The following PCDH9 variants were observed in gnomAD, a reference collection of about 807,000 sequenced individuals.
PCDH9 encodes the protein protocadherin 9, also known as protocadherin-9.
PCDH9 carries 24 observed loss-of-function variants against 70.6 expected under a neutral mutation model. That is an observed-to-expected ratio of 0.34 (90% CI 0.25 to 0.48). PCDH9 has a LOEUF of 0.48. Among genes scored for constraint, PCDH9 ranks in the 20% least tolerant of loss-of-function variants. The probability of loss-of-function intolerance (pLI) is 0.99; values close to 1 mark genes in which losing one functional copy is unlikely to be tolerated. For missense variants in PCDH9, 1,281 were observed against 1,503.6 expected (o/e 0.85, Z 2.45); for synonymous variants, 562 against 558.5 (o/e 1.01, Z -0.09).
chr13:66,528,725 G>T (rs907472389), intron 4 of PCDH9, among the ~76,000 whole-genome samples: 1 of 152,056 alleles, frequency 6.6e-6, no homozygotes. Context: ...TTAGGACAAT[G>T]TCTCCTTTTT....
At chr13:67,221,203 A>G (rs1275132393) in intron 2 of PCDH9, 6 of 152,090 alleles carry the variant, frequency 3.9e-5, no homozygotes, top group African/African-American at 9.7e-5. Flanking sequence ...GGTTAGCCTC[A>G]CATTAGTTAA....
At chr13:66,449,035 A>G (rs773102386) in intron 4 of PCDH9, among the ~76,000 whole-genome samples, 3 of 152,180 alleles carry the variant, frequency 2.0e-5, no homozygotes, top group Non-Finnish European at 4.4e-5. Context: ...TGAATAGTTT[A>G]GACAGTCTTC....
At chr13:66,859,697 T>C (rs990109781) in intron 3 of PCDH9, among the ~76,000 whole-genome samples, 3 of 152,158 alleles carry the variant, frequency 2.0e-5, no homozygotes, top group African/African-American at 7.2e-5. Context: ...TGTGAAGGCA[T>C]TTCTAAATGC....
intron 2 of PCDH9, among the ~76,000 whole-genome samples, chr13:67,163,302 T>C (rs752149948): frequency 2.0e-5 from 3 of 152,226 alleles, no homozygotes; most frequent in East Asian, 3.8e-4. Flanking sequence ...ATAATATGTA[T>C]TAAAGAAAGT....
chr13:66,381,070 T>C (rs1956840033), intron 4 of PCDH9, among the ~76,000 whole-genome samples: 1 of 152,184 alleles, frequency 6.6e-6, no homozygotes, highest in Non-Finnish European at 1.5e-5. Flanking sequence ...AAAATAGTTT[T>C]CTTTGAAGAA....
intron 4 of PCDH9, among the ~76,000 whole-genome samples, chr13:66,522,372 T>C (rs1960034411): frequency 6.6e-6 from 1 of 152,068 alleles, no homozygotes; most frequent in African/African-American, 2.4e-5. Context: ...GACCAAAATT[T>C]CAAGTTAAGA....
At chr13:66,737,993 C>A (rs956487975) in intron 3 of PCDH9, among the ~76,000 whole-genome samples, 2 of 152,172 alleles carry the variant, frequency 1.3e-5, no homozygotes, top group Non-Finnish European at 2.9e-5. Context: ...TGGAGCCCAC[C>A]ACAGCTCAAG....
chr13:67,096,752 ACT>A (rs1002102969), intron 2 of PCDH9, among the ~76,000 whole-genome samples: 4 of 151,924 alleles, frequency 2.6e-5, no homozygotes, highest in African/African-American at 9.7e-5. Flanking sequence ...AGTCTGTAAA[ACT>A]CTGGTGGAGG....
At position 67,189,365 on chromosome 13, in the gene PCDH9, A is replaced by C. The variant is rs549802979; in HGVS notation, c.3036+36040T>G. On this transcript the variant is annotated intron_variant, in intron 2 of 4. Transcript: ENST00000377865. ...ATTAAGTTTTATTTATTGTGCACCA[A>C]TTATATGATAGTCACTGTAGTACTG... Among the ~76,000 whole-genome samples the C allele has an allele frequency of 2.0e-5, 3 of 152,124 alleles. No homozygotes were observed. The South Asian group carries it at 6.2e-4, about 32-fold the overall frequency.
intron 2 of PCDH9, among the ~76,000 whole-genome samples, chr13:67,174,452 T>C (rs1230837962): frequency 1.3e-5 from 2 of 152,138 alleles, no homozygotes; most frequent in Non-Finnish European, 2.9e-5. Flanking sequence ...ATAAACAGTG[T>C]TGATTATAAA....
intron 3 of PCDH9, among the ~76,000 whole-genome samples, chr13:66,633,614 G>A (rs149989689): frequency 6.6e-6 from 1 of 152,208 alleles, no homozygotes; most frequent in Non-Finnish European, 1.5e-5. Context: ...AGATTTTAAT[G>A]TGTCTTTGGT....
intron 2 of PCDH9, among the ~76,000 whole-genome samples, chr13:67,199,891 G>A (rs1236777622): frequency 6.6e-6 from 1 of 152,040 alleles, no homozygotes; most frequent in Non-Finnish European, 1.5e-5. Flanking sequence ...AAAGCAAGCT[G>A]ATGGTATTTT....
At chr13:66,623,538 A>G (rs944885071) in intron 4 of PCDH9, among the ~76,000 whole-genome samples, 2 of 152,158 alleles carry the variant, frequency 1.3e-5, no homozygotes, top group African/African-American at 4.8e-5. Context: ...TCCAAGGCTC[A>G]GGCAATCCCC....
At chr13:67,018,634 G>GA (rs1046044620) in intron 2 of PCDH9, among the ~76,000 whole-genome samples, 18 of 145,660 alleles carry the variant, frequency 1.2e-4, no homozygotes, top group African/African-American at 3.5e-4. Context: ...AAAAAAAAAG[G>GA]AAAAAAAAAG....
At chr13:66,983,288 TA>T (rs1334012385) in intron 2 of PCDH9, among the ~76,000 whole-genome samples, 1 of 151,922 alleles carries the variant, frequency 6.6e-6, no homozygotes. Context: ...ATTTGGCACA[TA>T]AAAAAATTTA....
rs146877598 is a variant in PCDH9 at position 66,952,006 on chromosome 13, C to T, written c.3037-48401G>A. Among the ~76,000 whole-genome samples the T allele has an allele frequency of 2.0e-3, 312 of 152,212 alleles. 3 individuals are homozygous for T. Among genetic ancestry groups the T allele is most frequent in the African/African-American group, 6.6e-3 (276 of 41,518 alleles). ...TGATTTTAACTAAAGTAGGGGTGAG[C>T]ATCTGTGCTAAGGTAAGCAAGCTGG... On this transcript the variant is annotated intron_variant, in intron 2 of 4. Coordinates refer to ENST00000377865, the MANE Select transcript of PCDH9 (RefSeq NM_203487.3).
At chr13:66,695,228 A>T (rs972027230) in intron 3 of PCDH9, among the ~76,000 whole-genome samples, 1 of 152,214 alleles carries the variant, frequency 6.6e-6, no homozygotes, top group Non-Finnish European at 1.5e-5. Context: ...TAACGAATGT[A>T]TAAACTGAAA....
chr13:66,975,263 G>C (rs994609200), intron 2 of PCDH9, among the ~76,000 whole-genome samples: 4 of 151,908 alleles, frequency 2.6e-5, no homozygotes, highest in African/African-American at 9.7e-5. Flanking sequence ...ACGCTATTTG[G>C]AGAGATCTCA....
intron 3 of PCDH9, among the ~76,000 whole-genome samples, chr13:66,869,735 A>T (rs1419780497): frequency 1.3e-5 from 2 of 152,038 alleles, no homozygotes; most frequent in Non-Finnish European, 2.9e-5. Flanking sequence ...AATTTGAGAA[A>T]CCTCGTCAAC....
Sources: allele counts gnomAD v4.1 joint callset (sites outside exome capture counted in the v4.1 genomes callset), GRCh38; gene constraint gnomAD v4.1.1; transcripts MANE v1.5; gene names NCBI Gene and HGNC (gene_info 2026-07-23, HGNC 2026-07-21).